The following ZNF175 variants were observed in gnomAD, a reference collection of about 807,000 sequenced individuals.
The protein encoded by ZNF175 is zinc finger protein OTK18.
In ZNF175, 8 loss-of-function variants were observed where a neutral mutation model predicts 14.0. The observed-to-expected ratio is 0.57, with a 90% confidence interval of 0.34 to 1.03. The LOEUF (loss-of-function observed/expected upper bound fraction) is 1.03, where lower values mean the gene tolerates loss of function less well. Among genes scored for constraint, ZNF175 ranks in the 50% least tolerant of loss-of-function variants. ZNF175 has a pLI of 0.03. For missense variants in ZNF175, 764 were observed against 849.5 expected (o/e 0.90, Z 1.25); for synonymous variants, 255 against 296.8 (o/e 0.86, Z 1.45).
At chr19:51,579,024 TG>T (rs1341445688) in intron 2 of ZNF175, among the ~76,000 whole-genome samples, 2 of 152,008 alleles carry the variant, frequency 1.3e-5, no homozygotes, top group African/African-American at 2.4e-5. Flanking sequence ...GAGGCAGAGA[TG>T]GGCCGATCAC....
In ZNF175 at chr19:51,591,481, A is replaced by G. The variant is rs916956906; in HGVS notation, c.*3014A>G. 2 of 152,244 alleles carry G rather than the reference A, an allele frequency of 1.3e-5. No individual in the cohort carries two copies. The highest frequency in any genetic ancestry group is 4.8e-5 in the African/African-American group (2 of 41,466). The allele number at this position is 152,244 out of a possible 1,614,324, so 9.4% of individuals were successfully genotyped here. The stretch of plus-strand genomic sequence containing the variant: ...CTAAGAGATGAATAAATGTTAGTCC[A>G]ATGGCCTCATCATGAGATGAGAGGT... On this transcript the variant is annotated 3_prime_UTR_variant, in exon 5 of 5. Coordinates refer to ENST00000262259, the MANE Select transcript of ZNF175 (RefSeq NM_007147.4).
chr19:51,588,436 G>A lies in ZNF175; in HGVS notation c.2105G>A (p.Ser702Asn), dbSNP rs973186921. Reference protein sequence around the residue: ...THTRDKSYKCSYSVKGFTKQ With the variant: ...THTRDKSYKCNYSVKGFTKQ Reference sequence around the variant, plus strand: ...ACCAGAGACAAATCTTACAAATGCAGTTATTCTGTGAAAGGCTTTACCAAG... The same window carrying A: ...ACCAGAGACAAATCTTACAAATGCAATTATTCTGTGAAAGGCTTTACCAAG... Residue 702 changes from serine to asparagine, a missense_variant, in exon 5 of 5, where the codon AGT (serine) becomes AAT (asparagine). Coordinates refer to ENST00000262259, the MANE Select transcript of ZNF175 (RefSeq NM_007147.4). The A allele has an allele frequency of 6.3e-7, 1 of 1,579,764 alleles. No homozygotes were observed. The highest frequency in any genetic ancestry group is 1.4e-5 in the African/African-American group (1 of 73,436).
rs772085767 is a variant in ZNF175 at position 51,586,866 on chromosome 19, G to T, written c.535G>T (p.Gly179Trp). 1.2e-6 allele frequency: 2 copies of T among 1,614,184 alleles called. No individual in the cohort carries two copies. The highest frequency in any genetic ancestry group is 1.7e-6 in the Non-Finnish European group (2 of 1,180,010). Reference protein sequence around the residue: ...TESNCEYKDPGKMIRTRPHLA... With the variant: ...TESNCEYKDPWKMIRTRPHLA... The stretch of plus-strand genomic sequence containing the variant: ...AAGCAATTGTGAATATAAGGACCCT[G>T]GGAAAATGATTCGCACGAGGCCCCA... Residue 179 changes from glycine to tryptophan, a missense_variant, in exon 5 of 5, where the codon GGG becomes TGG. Gly to Trp is a radical substitution (Grantham distance 184). Coordinates refer to ENST00000262259, the MANE Select transcript of ZNF175 (RefSeq NM_007147.4).
At chr19:51,580,066 T>C (rs1468748302) in intron 2 of ZNF175, among the ~76,000 whole-genome samples, 6 of 152,156 alleles carry the variant, frequency 3.9e-5, no homozygotes, top group Non-Finnish European at 8.8e-5. Flanking sequence ...ATGGATTAAG[T>C]AAAAATATCA....
At chr19:51,575,775 G>A (rs1461492761) in intron 2 of ZNF175, among the ~76,000 whole-genome samples, 4 of 152,056 alleles carry the variant, frequency 2.6e-5, no homozygotes, top group African/African-American at 9.7e-5. Context: ...TAATTAACAC[G>A]TTAATTAATT....
At chr19:51,580,133 G>C (rs1981949954) in intron 2 of ZNF175, among the ~76,000 whole-genome samples, 1 of 152,038 alleles carries the variant, frequency 6.6e-6, no homozygotes, top group Non-Finnish European at 1.5e-5. Context: ...TAAGTTATAT[G>C]TGTGGCTCAC....
chr19:51,573,705 G>T, intron 2 of ZNF175: 2 of 438,010 alleles, frequency 4.6e-6, no homozygotes, highest in Middle Eastern at 5.6e-4. Context: ...CACTGGTTCT[G>T]CTCCTTCATC....
chr19:51,591,110 C>T lies in ZNF175; in HGVS notation c.*2643C>T, dbSNP rs752671591. The T allele has an allele frequency of 4.6e-5, 7 of 152,864 alleles. No individual in the cohort carries two copies. The highest frequency in any genetic ancestry group is 7.3e-5 in the Non-Finnish European group (5 of 68,478). 9.5% of individuals were successfully genotyped at this position (152,864 alleles called of 1,614,324 possible). ...AGGGCAAGCCCTTCCTCCCCACTTC[C>T]AGAAAGCTGCTCGTTCCCTGGCCAT... On this transcript the variant is annotated 3_prime_UTR_variant, in exon 5 of 5. Coordinates refer to ENST00000262259, the MANE Select transcript of ZNF175 (RefSeq NM_007147.4).
intron 2 of ZNF175, among the ~76,000 whole-genome samples, chr19:51,575,383 A>AT (rs988812916): frequency 6.6e-6 from 1 of 151,772 alleles, no homozygotes; most frequent in African/African-American, 2.4e-5. Context: ...CTGCTGGCTA[A>AT]TTTTTTTGTA....
At position 51,587,803 on chromosome 19, in the gene ZNF175, A is replaced by G; in HGVS notation, c.1472A>G (p.Asp491Gly). ...TCCTTCATTTCCAAGTCACAGCTTGATATACATCATCGAATTCATACAGGG... is the reference window on the plus strand; with the variant it reads ...TCCTTCATTTCCAAGTCACAGCTTGGTATACATCATCGAATTCATACAGGG... ...GKSFISKSQL[D>G]IHHRIHTGEK... is the part of the protein sequence containing the mutation. The change falls in exon 5 of 5, where the codon GAT (aspartate) becomes GGT (glycine). Residue 491 changes from aspartate (D) to glycine (G), a missense_variant. Asp to Gly is a moderately conservative substitution (Grantham distance 94). Coordinates refer to ENST00000262259, the MANE Select transcript of ZNF175 (RefSeq NM_007147.4). 6.2e-7 allele frequency: 1 copy of G among 1,614,168 alleles called. No individual in the cohort carries two copies. Among genetic ancestry groups the G allele is most frequent in the Non-Finnish European group, 8.5e-7 (1 of 1,180,026 alleles).
chr19:51,582,549 G>T (rs148090444), intron 4 of ZNF175, among the ~76,000 whole-genome samples: 1 of 152,074 alleles, frequency 6.6e-6, no homozygotes, highest in African/African-American at 2.4e-5. Flanking sequence ...TGCCCACCTC[G>T]GCCTCCCAAA....
Position 51,589,269 on chromosome 19 carries a change from C to CGTATGTAT in ZNF175, c.*816_*823dup, listed in dbSNP as rs3838910. On this transcript the variant is annotated 3_prime_UTR_variant, in exon 5 of 5. Coordinates refer to ENST00000262259, the MANE Select transcript of ZNF175 (RefSeq NM_007147.4). ...TCTGGTCAGCATATGTGTATGTATG[C>CGTATGTAT]GTATGTATGTATGTATGTATGCCCT... 2.0e-3 allele frequency: 855 copies of CGTATGTAT among 426,478 alleles called. 7 individuals are homozygous for CGTATGTAT. The highest frequency in any genetic ancestry group is 0.015 in the African/African-American group (744 of 49,574). The allele number at this position is 426,478 out of a possible 1,614,324, so 26.4% of individuals were successfully genotyped here.
chr19:51,588,081 G>A lies in ZNF175; in HGVS notation c.1750G>A (p.Glu584Lys), dbSNP rs1982232947. ...FKEHQRIHTG[E>K]KPYVCTECGK... ...AGAGCATCAGCGAATTCACACGGGT[G>A]AGAAACCCTATGTGTGCACTGAATG... The change falls in exon 5 of 5, where the codon GAG (glutamate) becomes AAG (lysine). Residue 584 changes from glutamate (E) to lysine (K), a missense_variant. Transcript: ENST00000262259. 1 of 1,614,214 alleles carries A rather than the reference G, an allele frequency of 6.2e-7. No individual in the cohort carries two copies. The highest frequency in any genetic ancestry group is 8.5e-7 in the Non-Finnish European group (1 of 1,180,020).
chr19:51,578,707 C>T (rs1981893974), intron 2 of ZNF175, among the ~76,000 whole-genome samples: 1 of 152,182 alleles, frequency 6.6e-6, no homozygotes, highest in African/African-American at 2.4e-5. Context: ...GTCGAGGCTG[C>T]AGTGAGCTGT....
At chr19:51,580,515 C>G (rs914188196) in intron 2 of ZNF175, among the ~76,000 whole-genome samples, 3 of 152,220 alleles carry the variant, frequency 2.0e-5, no homozygotes, top group African/African-American at 7.2e-5. Flanking sequence ...TTTCCATCAT[C>G]AGTCCTTTCA....
Position 51,573,410 on chromosome 19 carries a change from G to A in ZNF175, c.72+9G>A, listed in dbSNP as rs1568572014. The A allele has an allele frequency of 6.2e-7, 1 of 1,612,526 alleles. No individual in the cohort carries two copies. On this transcript the variant is annotated intron_variant, in intron 2 of 4. Transcript: ENST00000262259. ...AGGATGGATCTTGCGAGGTAAACAG[G>A]GGCAGCCCTGGGGATAGTTCTCCAG...
chr19:51,586,506 A>G (rs577197537), intron 4 of ZNF175, 121 bp from the exon 5 acceptor site: 1 of 939,960 alleles, frequency 1.1e-6, no homozygotes, highest in Admixed American at 3.0e-5. Context: ...CATTGTCAGC[A>G]TCATTAGCAG....
chr19:51,578,013 A>G (rs1270061349), intron 2 of ZNF175, among the ~76,000 whole-genome samples: 1 of 151,516 alleles, frequency 6.6e-6, no homozygotes, highest in East Asian at 1.9e-4. Flanking sequence ...CCACATAGGT[A>G]ATTATAGTTA....
chr19:51,577,663 C>CTCTTT (rs1555785256), intron 2 of ZNF175, among the ~76,000 whole-genome samples: 1 of 127,258 alleles, frequency 7.9e-6, no homozygotes, highest in Admixed American at 8.2e-5. Flanking sequence ...CTTTCTCTCT[C>CTCTTT]TTTTTTTTTT....
Sources: allele counts gnomAD v4.1 joint callset (sites outside exome capture counted in the v4.1 genomes callset), GRCh38; gene constraint gnomAD v4.1.1; transcripts MANE v1.5; gene names NCBI Gene and HGNC (gene_info 2026-07-23, HGNC 2026-07-21).